DPYD: variants seen among roughly 807,000 people sequenced by gnomAD.
DPYD encodes dihydropyrimidine dehydrogenase [NADP(+)].
In DPYD, 109 loss-of-function variants were observed where a neutral mutation model predicts 116.2. That is an observed-to-expected ratio of 0.94 (90% CI 0.80 to 1.10). The LOEUF (loss-of-function observed/expected upper bound fraction) is 1.10. Ranked by LOEUF, DPYD falls within the 50% of genes least tolerant of loss-of-function variation. DPYD has a pLI of 0.00. For missense variants in DPYD, 1,302 were observed against 1,254.5 expected, an observed-to-expected ratio of 1.04 and a Z score of -0.57; for synonymous variants, 440 against 432.0, an observed-to-expected ratio of 1.02 and a Z score of -0.23.
chr1:97,823,647 C>A (rs1669080292), intron 3 of DPYD, among the ~76,000 whole-genome samples: 1 of 152,026 alleles, frequency 6.6e-6, no homozygotes, highest in Non-Finnish European at 1.5e-5. Context: ...CTAGGTTGAT[C>A]CATTTTCTTG....
Position 97,098,627 on chromosome 1 carries a change from C to A in DPYD, c.2628G>T (p.Leu876=). The A allele has an allele frequency of 6.2e-7, 1 of 1,612,696 alleles. No individual in the cohort carries two copies. Among genetic ancestry groups the A allele is most frequent in the Non-Finnish European group, 8.5e-7 (1 of 1,179,276 alleles). The change falls in exon 21 of 23, where the codon CTG becomes CTT. Residue 876 remains leucine, a synonymous_variant. Coordinates refer to ENST00000370192, the MANE Select transcript of DPYD (RefSeq NM_000110.4). ...GTTCCAGATAAGGTCCAAAACTTGG[C>A]AGTTTCTAAAAGGAAAACACACAAA... The part of the protein sequence containing the change: ...PRIAELMDKK[L]PSFGPYLEQR...
chr1:97,269,873 G>A (rs1664465945), intron 18 of DPYD, among the ~76,000 whole-genome samples: 1 of 152,068 alleles, frequency 6.6e-6, no homozygotes, highest in Admixed American at 6.6e-5. Flanking sequence ...GGAGGGAGGG[G>A]CACAATTCAG....
rs145642448 is a variant in DPYD, at chr1:97,905,307, A to G, written c.39+15577T>C. 3.5e-3 allele frequency among the ~76,000 whole-genome samples: 526 copies of G among 152,124 alleles called. 2 individuals are homozygous for G. The highest frequency in any genetic ancestry group is 0.012 in the African/African-American group (496 of 41,542). ...ATTAACCTTAGATCATATCCTTGTC[A>G]TTATATTTTTTCAGTCCTCAATATG... is the stretch of plus-strand genomic sequence containing the variant. On this transcript the variant is annotated intron_variant, in intron 1 of 22. Coordinates refer to ENST00000370192, the MANE Select transcript of DPYD (RefSeq NM_000110.4).
rs182415120 is a variant in DPYD, at chr1:97,842,902, T to C, written c.151-14706A>G. Among the ~76,000 whole-genome samples the C allele has an allele frequency of 3.5e-4, 53 of 152,228 alleles. 1 individual carries two copies. The highest frequency in any genetic ancestry group is 3.1e-3 in the Admixed American group (47 of 15,300). Reference sequence around the variant, plus strand: ...TTTTAGTTCTCATCTAAAGCACTTATACTTCCCATCCTCTTGTTCTGCACT... The same window carrying C: ...TTTTAGTTCTCATCTAAAGCACTTACACTTCCCATCCTCTTGTTCTGCACT... On this transcript the variant is annotated intron_variant, in intron 2 of 22. Transcript: ENST00000370192.
In DPYD at chr1:97,330,799, A is replaced by G. The variant is rs190579840; in HGVS notation, c.2059-24502T>C. Reference sequence around the variant, plus strand: ...GCCTTTAAATTATTTTAATTTCATGAACTTAAATTTTGTCTTTGCTCACAG... The same window carrying G: ...GCCTTTAAATTATTTTAATTTCATGGACTTAAATTTTGTCTTTGCTCACAG... On this transcript the variant is annotated intron_variant, in intron 16 of 22. Coordinates refer to ENST00000370192, the MANE Select transcript of DPYD (RefSeq NM_000110.4). Among the ~76,000 whole-genome samples, 21 of 152,276 alleles carry G rather than the reference A, an allele frequency of 1.4e-4. No individual in the cohort carries two copies. In the East Asian group the frequency reaches 3.9e-3, roughly 28 times the overall value.
intron 3 of DPYD, among the ~76,000 whole-genome samples, chr1:97,822,943 G>A (rs1557988467): frequency 6.6e-6 from 1 of 152,102 alleles, no homozygotes. Context: ...TGGCAATATA[G>A]TACATTGATG....
chr1:97,716,664 T>C (rs973298949), intron 5 of DPYD, among the ~76,000 whole-genome samples: 1 of 151,928 alleles, frequency 6.6e-6, no homozygotes, highest in African/African-American at 2.4e-5. Flanking sequence ...GAATAAACTT[T>C]TTAAAAAAAG....
rs371041762 is a variant in DPYD, at chr1:97,828,385, T to C, written c.151-189A>G. On this transcript the variant is annotated intron_variant, in intron 2 of 22. Coordinates refer to ENST00000370192, the MANE Select transcript of DPYD (RefSeq NM_000110.4). Reference sequence around the variant, plus strand: ...ACAGTAACAAAATAAAAACATTTTATGATACAGCTGTCACAGAAGTCTCAT... The same window carrying C: ...ACAGTAACAAAATAAAAACATTTTACGATACAGCTGTCACAGAAGTCTCAT... Among the ~76,000 whole-genome samples, 25 of 152,316 alleles carry C rather than the reference T, an allele frequency of 1.6e-4. No individual in the cohort carries two copies. In the South Asian group the frequency reaches 4.6e-3, roughly 28 times the overall value.
rs535988372 is a variant in DPYD, at chr1:97,527,302, T to C, written c.1525-11361A>G. Among the ~76,000 whole-genome samples, 1,178 of 152,032 alleles carry C rather than the reference T, an allele frequency of 7.7e-3. 9 individuals are homozygous for C. Among genetic ancestry groups the C allele is most frequent in the African/African-American group, 0.026 (1,094 of 41,468 alleles). On this transcript the variant is annotated intron_variant, in intron 12 of 22. Transcript: ENST00000370192. ...CCATGTTGGCCAGGATGGTCTTGAT[T>C]TCCTGACCTCGTGATCTGCCTGCCT...
At chr1:97,273,076 A>T (rs1180191500) in intron 18 of DPYD, among the ~76,000 whole-genome samples, 1 of 152,180 alleles carries the variant, frequency 6.6e-6, no homozygotes, top group Non-Finnish European at 1.5e-5. Flanking sequence ...AAGAGGAGAC[A>T]GAAATGTGGG....
chr1:97,430,667 G>A (rs1314608649), intron 14 of DPYD, among the ~76,000 whole-genome samples: 2 of 152,172 alleles, frequency 1.3e-5, no homozygotes, highest in East Asian at 1.9e-4. Flanking sequence ...CAGTTGAACT[G>A]TGCTAAGCAT....
At chr1:97,381,735 C>T (rs944312645) in intron 15 of DPYD, among the ~76,000 whole-genome samples, 4 of 152,296 alleles carry the variant, frequency 2.6e-5, no homozygotes, top group Admixed American at 2.6e-4. Context: ...CCAGCTAAGA[C>T]TCTCCAGACT....
chr1:97,240,480 G>T (rs1277789568), intron 18 of DPYD, among the ~76,000 whole-genome samples: 1 of 151,940 alleles, frequency 6.6e-6, no homozygotes, highest in African/African-American at 2.4e-5. Context: ...GACAGCGACT[G>T]TTACACAATT....
chr1:97,648,679 A>G (rs774782751), intron 8 of DPYD, among the ~76,000 whole-genome samples: 4 of 152,050 alleles, frequency 2.6e-5, no homozygotes, highest in African/African-American at 9.7e-5. Flanking sequence ...CATGTTAAGC[A>G]TTTGTTTTAT....
chr1:97,516,842 C>G (rs1300068566), intron 12 of DPYD, among the ~76,000 whole-genome samples: 1 of 151,960 alleles, frequency 6.6e-6, no homozygotes, highest in Non-Finnish European at 1.5e-5. Flanking sequence ...CTCCCCTTCT[C>G]TCTCTCTATC....
At chr1:97,458,552 G>T (rs547293453) in intron 13 of DPYD, among the ~76,000 whole-genome samples, 2 of 152,114 alleles carry the variant, frequency 1.3e-5, no homozygotes, top group African/African-American at 4.8e-5. Context: ...ATCCCTGGTG[G>T]CCTATAAACT....
At chr1:97,792,194 T>C (rs1667353094) in intron 3 of DPYD, among the ~76,000 whole-genome samples, 1 of 152,138 alleles carries the variant, frequency 6.6e-6, no homozygotes. Context: ...TAATCATAGA[T>C]ACTCCTGACG....
At chr1:97,352,486 A>C (rs1281209716) in intron 16 of DPYD, among the ~76,000 whole-genome samples, 1 of 152,192 alleles carries the variant, frequency 6.6e-6, no homozygotes, top group Non-Finnish European at 1.5e-5. Flanking sequence ...TTTACAAGAA[A>C]TAGTGTCAAA....
chr1:97,187,519 C>T (rs1281190905), intron 20 of DPYD, among the ~76,000 whole-genome samples: 1 of 152,026 alleles, frequency 6.6e-6, no homozygotes. Flanking sequence ...TTCTCCTATT[C>T]TGTAGGCCTT....
Sources: gnomAD v4.1 joint callset for allele counts (sites outside exome capture counted in the v4.1 genomes callset) on GRCh38, gnomAD v4.1.1 for gene constraint, MANE v1.5 for transcripts, NCBI Gene and HGNC (gene_info 2026-07-23, HGNC 2026-07-21) for gene names.